Variants in SYNE1 observed in about 807,000 individuals in gnomAD.
SYNE1 encodes spectrin repeat containing nuclear envelope protein 1.
Under a neutral mutation model 1,111.0 loss-of-function variants are expected in SYNE1, and 616 were observed. The ratio of observed to expected loss-of-function variants is 0.55; its 90% confidence interval spans 0.52 to 0.59. SYNE1 has a LOEUF of 0.59. Ranked by LOEUF, SYNE1 falls within the 20% of genes least tolerant of loss-of-function variation. The pLI is 0.00. For synonymous variants in SYNE1, 3,855 were observed against 3,825.8 expected, an observed-to-expected ratio of 1.01 and a Z score of -0.28; for missense variants, 10,006 against 10,417.0, an observed-to-expected ratio of 0.96 and a Z score of 1.72.
chr6:152,265,637 T>C (rs983342113), intron 100 of SYNE1, among the ~76,000 whole-genome samples: 23 of 152,194 alleles, frequency 1.5e-4, no homozygotes, highest in Non-Finnish European at 2.6e-4. Flanking sequence ...TTACATTTAA[T>C]CATTGACACA....
chr6:152,577,276 T>A (rs1304234339), intron 3 of SYNE1, among the ~76,000 whole-genome samples: 3 of 152,172 alleles, frequency 2.0e-5, no homozygotes, highest in Non-Finnish European at 4.4e-5. Context: ...TTGCAAGAAC[T>A]CACCAAGATC....
At chr6:152,408,252 T>C (rs187657441) in intron 44 of SYNE1, among the ~76,000 whole-genome samples, 156 of 152,308 alleles carry the variant, frequency 1.0e-3, no homozygotes, top group South Asian at 4.3e-3. Flanking sequence ...TGGAAGGTAA[T>C]GTAAAATATT....
chr6:152,537,322 C>G (rs2099248251), intron 4 of SYNE1, among the ~76,000 whole-genome samples: 1 of 151,890 alleles, frequency 6.6e-6, no homozygotes, highest in African/African-American at 2.4e-5. Flanking sequence ...TATTTATACC[C>G]ACAAGTTTTA....
At chr6:152,502,115 G>C (rs1424229662) in intron 10 of SYNE1, among the ~76,000 whole-genome samples, 3 of 151,798 alleles carry the variant, frequency 2.0e-5, no homozygotes, top group African/African-American at 7.3e-5. Flanking sequence ...TATGTAATTT[G>C]AGCAGCATGA....
At chr6:152,411,939 A>T (rs1157308189) in intron 42 of SYNE1, among the ~76,000 whole-genome samples, 1 of 152,228 alleles carries the variant, frequency 6.6e-6, no homozygotes, top group Non-Finnish European at 1.5e-5. Flanking sequence ...TTGCTATACA[A>T]TCCAGAGTCT....
At chr6:152,369,433 C>G (rs1184082269) in intron 60 of SYNE1, 38 bp downstream of exon 60, 3 of 1,613,886 alleles carry the variant, frequency 1.9e-6, no homozygotes, top group South Asian at 1.1e-5. Flanking sequence ...CGGACAAAGA[C>G]TAGGTCAGAT....
At chr6:152,467,540 G>A (rs966953652) in intron 16 of SYNE1, among the ~76,000 whole-genome samples, 1 of 152,094 alleles carries the variant, frequency 6.6e-6, no homozygotes, top group Non-Finnish European at 1.5e-5. Flanking sequence ...ATTTTTCTAA[G>A]TGTCAAAGAA....
At chr6:152,125,406 G>T (rs1357550298) in intron 145 of SYNE1, 1 of 1,511,992 alleles carries the variant, frequency 6.6e-7, no homozygotes. Flanking sequence ...GTGTGTGGAC[G>T]TGGGGACATT....
chr6:152,393,549 G>A (rs893154865), intron 51 of SYNE1, among the ~76,000 whole-genome samples: 3 of 151,634 alleles, frequency 2.0e-5, no homozygotes, highest in Non-Finnish European at 2.9e-5. Context: ...TAGATCTTAA[G>A]TCACTGATCT....
At chr6:152,386,315 CCAGT>C (rs1222718149) in intron 54 of SYNE1, among the ~76,000 whole-genome samples, 2 of 152,050 alleles carry the variant, frequency 1.3e-5, no homozygotes, top group African/African-American at 4.8e-5. Flanking sequence ...GTAATTGTGG[CCAGT>C]CACACATTCA....
intron 116 of SYNE1, among the ~76,000 whole-genome samples, chr6:152,225,277 G>A (rs968027098): frequency 4.7e-5 from 5 of 106,656 alleles, no homozygotes; most frequent in African/African-American, 1.5e-4. Context: ...TCACATATGC[G>A]CAAACACACA....
At chr6:152,410,291 G>A (rs2154171280) in intron 42 of SYNE1, 1 of 152,702 alleles carries the variant, frequency 6.5e-6, no homozygotes, top group South Asian at 2.1e-4. Context: ...AATCCTATCA[G>A]CCTGAATGCA....
chr6:152,270,027 A>G (rs185473870), intron 98 of SYNE1, among the ~76,000 whole-genome samples: 180 of 152,208 alleles, frequency 1.2e-3, no homozygotes, highest in African/African-American at 3.9e-3. Context: ...CACCTCCACC[A>G]CAGTAACTCA....
In SYNE1 at chr6:152,330,150, G is replaced by T. The variant is rs768107714; in HGVS notation, c.14535C>A (p.His4845Gln). 3 of 1,614,188 alleles carry T rather than the reference G, an allele frequency of 1.9e-6. No homozygotes were observed. The Admixed American group carries it at 5.0e-5, about 27-fold the overall frequency. ...VTIHLEDLAP[H>Q]LDPLAYEKAR... ...CTTTCTCATAAGCCAAGGGGTCAAG[G>T]TGTGGGGCAAGATCTTCAAGATGTA... Residue 4845 changes from histidine (H) to glutamine (Q), a missense_variant, in exon 78 of 146, where the codon CAC becomes CAA. Around this residue, in one of 7 missense-constraint regions of SYNE1, gnomAD observed 4,955 missense variants for 5,017.2 expected, o/e 0.99. Coordinates refer to ENST00000367255, the MANE Select transcript of SYNE1 (RefSeq NM_182961.4).
intron 3 of SYNE1, among the ~76,000 whole-genome samples, chr6:152,589,449 A>C (rs2099551493): frequency 6.6e-6 from 1 of 152,146 alleles, no homozygotes; most frequent in Admixed American, 6.5e-5. Flanking sequence ...TCATCTTCTC[A>C]TCAGAAAATC....
chr6:152,619,222 A>C (rs1028593745), intron 3 of SYNE1, among the ~76,000 whole-genome samples: 1 of 152,170 alleles, frequency 6.6e-6, no homozygotes, highest in Non-Finnish European at 1.5e-5. Flanking sequence ...TTATAAGTAC[A>C]TATTACCTTA....
At chr6:152,494,550 C>T (rs893924083) in intron 11 of SYNE1, among the ~76,000 whole-genome samples, 3 of 152,146 alleles carry the variant, frequency 2.0e-5, no homozygotes, top group Non-Finnish European at 4.4e-5. Context: ...GCTACTGCTC[C>T]GCCCTCCTCC....
Position 152,427,797 on chromosome 6 carries a change from A to G in SYNE1, c.4996T>C (p.Ser1666Pro). The change falls in exon 38 of 146, where the codon TCC becomes CCC. Residue 1666 changes from serine to proline, a missense_variant. Coordinates refer to ENST00000367255, the MANE Select transcript of SYNE1 (RefSeq NM_182961.4). ...HWQRLEKELS[S>P]FLTWLERGEA... Reference sequence around the variant, plus strand: ...CCCCGCTCTAACCAGGTCAAAAAGGATGATAGTTCTTTCTCTAGCCTAAAG... The same window carrying G: ...CCCCGCTCTAACCAGGTCAAAAAGGGTGATAGTTCTTTCTCTAGCCTAAAG... 1 of 1,614,114 alleles carries G rather than the reference A, an allele frequency of 6.2e-7. No homozygotes were observed. The highest frequency in any genetic ancestry group is 2.2e-5 in the East Asian group (1 of 44,862).
chr6:152,535,269 C>G (rs945433122), intron 4 of SYNE1, among the ~76,000 whole-genome samples: 2 of 152,170 alleles, frequency 1.3e-5, no homozygotes, highest in South Asian at 4.1e-4. Context: ...TTTTAAGCCA[C>G]CCAGTATGTG....
Sources: gnomAD v4.1 joint callset for allele counts (sites outside exome capture counted in the v4.1 genomes callset) on GRCh38, gnomAD v4.1.1 for gene constraint, gnomAD v4.1.1 regional missense constraint, MANE v1.5 for transcripts, NCBI Gene and HGNC (gene_info 2026-07-23, HGNC 2026-07-21) for gene names.